The following CATSPERQ variants were observed in gnomAD, a reference collection of about 807,000 sequenced individuals.
The protein encoded by CATSPERQ is catsper channel auxiliary subunit theta.
At chr8:144,354,898 C>T in the CATSPERQ span, 3 of 1,400,926 alleles carry the variant, frequency 2.1e-6, no homozygotes, top group Non-Finnish European at 2.8e-6. The surrounding 1 kb of genome is among the most constrained non-coding windows in gnomAD (Gnocchi z 4.6). Flanking sequence ...AGCTCACAGG[C>T]GACTGACAGG....
chr8:144,353,582 C>T, the CATSPERQ span: 4 of 1,484,560 alleles, frequency 2.7e-6, no homozygotes, highest in African/African-American at 4.2e-5. Context: ...CCCGAGTCGC[C>T]GTCCAGGCGT....
the CATSPERQ span, chr8:144,354,685 G>A: frequency 6.5e-7 from 1 of 1,535,564 alleles, no homozygotes; most frequent in African/African-American, 1.4e-5. The surrounding 1 kb of genome is among the most constrained non-coding windows in gnomAD (Gnocchi z 4.6). Flanking sequence ...GTGGCGCTCC[G>A]GGCAGGTGAG....
At chr8:144,353,606 C>T in the CATSPERQ span, 3 of 1,466,830 alleles carry the variant, frequency 2.0e-6, no homozygotes, top group Non-Finnish European at 2.7e-6. Context: ...CTTCCCCTAC[C>T]AGGCTGCATC....
At chr8:144,354,696 TC>T in the CATSPERQ span, 3 of 1,534,718 alleles carry the variant, frequency 2.0e-6, no homozygotes, top group Non-Finnish European at 2.6e-6. This position sits in a 1 kb window ranked among gnomAD's most constrained non-coding sequence, Gnocchi z 4.6. Flanking sequence ...GGCAGGTGAG[TC>T]CTAGGAACCA....
At chr8:144,354,105 GC>G in the CATSPERQ span, 1 of 1,535,274 alleles carries the variant, frequency 6.5e-7, no homozygotes, top group Non-Finnish European at 8.7e-7. The surrounding 1 kb of genome is among the most constrained non-coding windows in gnomAD (Gnocchi z 4.6). Context: ...ACAGGCCCAC[GC>G]CCACGCCGTA....
chr8:144,354,038 C>A, the CATSPERQ span: 3 of 1,535,376 alleles, frequency 2.0e-6, no homozygotes, highest in Non-Finnish European at 2.6e-6. The surrounding 1 kb of genome is among the most constrained non-coding windows in gnomAD (Gnocchi z 4.6). Context: ...AAGTGGTACA[C>A]GCCGCGCGTG....
At chr8:144,353,921 C>T in the CATSPERQ span, 6 of 1,528,488 alleles carry the variant, frequency 3.9e-6, no homozygotes, top group Non-Finnish European at 5.3e-6. Context: ...CAAGCTGCCT[C>T]CCCGTCCCTG....
chr8:144,353,402 G>C, the CATSPERQ span: 3 of 1,535,754 alleles, frequency 2.0e-6, no homozygotes, highest in Non-Finnish European at 2.6e-6. Context: ...TGGGGCTCTT[G>C]CCCATCACAG....
chr8:144,353,801 C>G, the CATSPERQ span: 1 of 1,535,602 alleles, frequency 6.5e-7, no homozygotes, highest in Non-Finnish European at 8.7e-7. Context: ...GACAGCTGCA[C>G]CAGCACCAGG....
At chr8:144,354,569 G>A in the CATSPERQ span, 4 of 259,078 alleles carry the variant, frequency 1.5e-5, no homozygotes, top group African/African-American at 1.6e-4. The surrounding 1 kb of genome is among the most constrained non-coding windows in gnomAD (Gnocchi z 4.6). Flanking sequence ...CCCCCGCCCC[G>A]CCCTTCCCAG....
the CATSPERQ span, chr8:144,353,648 C>T: frequency 2.7e-6 from 4 of 1,456,618 alleles, no homozygotes; most frequent in Non-Finnish European, 3.7e-6. Context: ...GGCGCCCTCT[C>T]CACGGCCCCC....
At chr8:144,353,585 C>G in the CATSPERQ span, 4 of 1,478,374 alleles carry the variant, frequency 2.7e-6, no homozygotes, top group Non-Finnish European at 2.7e-6. Flanking sequence ...GAGTCGCCGT[C>G]CAGGCGTCTC....
the CATSPERQ span, chr8:144,353,684 C>T: frequency 7.4e-6 from 11 of 1,496,022 alleles, no homozygotes; most frequent in East Asian, 9.9e-5. Context: ...GTTGTATTTA[C>T]CCTCTGCGTG....
At chr8:144,354,511 T>C in the CATSPERQ span, 4 of 1,411,150 alleles carry the variant, frequency 2.8e-6, no homozygotes, top group South Asian at 5.8e-5. The surrounding 1 kb of genome is among the most constrained non-coding windows in gnomAD (Gnocchi z 4.6). Context: ...GCCCTGCCTC[T>C]GCCCACCTGG....
chr8:144,353,341 C>A, the CATSPERQ span: 6 of 1,526,462 alleles, frequency 3.9e-6, no homozygotes, highest in Non-Finnish European at 5.3e-6. Context: ...GGGGGAGGCC[C>A]TCAGAGTCAC....
the CATSPERQ span, chr8:144,354,752 C>G: frequency 1.3e-6 from 2 of 1,535,348 alleles, no homozygotes; most frequent in Non-Finnish European, 1.7e-6. This position sits in a 1 kb window ranked among gnomAD's most constrained non-coding sequence, Gnocchi z 4.6. Flanking sequence ...AGGCTGCCGG[C>G]CCGGCCCTTA....
At chr8:144,354,538 C>T in the CATSPERQ span, 3 of 1,450,140 alleles carry the variant, frequency 2.1e-6, no homozygotes, top group East Asian at 2.6e-5. The surrounding 1 kb of genome is among the most constrained non-coding windows in gnomAD (Gnocchi z 4.6). Flanking sequence ...CCCATTCAGG[C>T]CTCGGGCCCG....
the CATSPERQ span, chr8:144,353,427 G>T: frequency 2.6e-6 from 4 of 1,535,936 alleles, no homozygotes; most frequent in Non-Finnish European, 3.5e-6. Context: ...AGCGCCAGGG[G>T]GTGGCCAGTG....
At chr8:144,354,890 C>A in the CATSPERQ span, 1 of 1,423,462 alleles carries the variant, frequency 7.0e-7, no homozygotes, top group Non-Finnish European at 9.3e-7. This position sits in a 1 kb window ranked among gnomAD's most constrained non-coding sequence, Gnocchi z 4.6. Flanking sequence ...GGAGCAGGAG[C>A]TCACAGGCGA....
Sources: allele counts gnomAD v4.1 joint callset, GRCh38; gene constraint gnomAD v4.1.1; non-coding constraint Gnocchi (gnomAD v3.1); transcripts MANE v1.5; gene names NCBI Gene and HGNC (gene_info 2026-07-23, HGNC 2026-07-21).